The following CDH13 variants were observed in gnomAD, a reference collection of about 807,000 sequenced individuals.
CDH13 encodes cadherin-13.
In CDH13, 24 loss-of-function variants were observed where a neutral mutation model predicts 63.8. The observed-to-expected ratio is 0.38, with a 90% CI of 0.27 to 0.53. CDH13 has a LOEUF of 0.53. Ranked by LOEUF, CDH13 falls within the 20% of genes least tolerant of loss-of-function variation. CDH13 has a pLI of 0.85. For missense variants in CDH13, 1,049 were observed against 903.1 expected (o/e 1.16, Z -2.07); for synonymous variants, 503 against 355.3 (o/e 1.42, Z -4.67).
intron 1 of CDH13, among the ~76,000 whole-genome samples, chr16:82,650,017 C>G (rs776412718): frequency 1.3e-5 from 2 of 152,150 alleles, no homozygotes; most frequent in Non-Finnish European, 2.9e-5. Context: ...ATTTCCTGGG[C>G]AACAACCCAA....
chr16:83,257,581 G>T (rs1906450688), intron 5 of CDH13, among the ~76,000 whole-genome samples: 1 of 152,184 alleles, frequency 6.6e-6, no homozygotes, highest in Non-Finnish European at 1.5e-5. Flanking sequence ...CTGCACACCA[G>T]CAGCACTAAT....
At chr16:83,145,955 A>C (rs1431403766) in intron 4 of CDH13, among the ~76,000 whole-genome samples, 1 of 152,110 alleles carries the variant, frequency 6.6e-6, no homozygotes, top group East Asian at 1.9e-4. Flanking sequence ...GAACTTTGGG[A>C]GGCCGAGGCG....
intron 6 of CDH13, among the ~76,000 whole-genome samples, chr16:83,400,631 A>G (rs1182626636): frequency 6.6e-6 from 1 of 152,180 alleles, no homozygotes; most frequent in Middle Eastern, 3.2e-3. Context: ...ACCATCCCAT[A>G]TCTGTGTTCT....
At chr16:83,104,281 A>G (rs1305791820) in intron 3 of CDH13, among the ~76,000 whole-genome samples, 1 of 152,214 alleles carries the variant, frequency 6.6e-6, no homozygotes, top group African/African-American at 2.4e-5. Flanking sequence ...CAAAGAACAC[A>G]GTAATCAATG....
In CDH13 at chr16:82,686,307, G is replaced by A. The variant is rs568858761; in HGVS notation, c.45+59170G>A. Among the ~76,000 whole-genome samples the A allele has an allele frequency of 1.2e-4, 18 of 152,262 alleles. No individual in the cohort carries two copies. In the South Asian group the frequency reaches 1.5e-3, roughly 12 times the overall value. On this transcript the variant is annotated intron_variant, in intron 1 of 13. Transcript: ENST00000567109. ...TTAGCAGTGGTAGATCTTTGAATTC[G>A]TCTCCTCCTGGTTCTGCGGAGAGCC...
intron 7 of CDH13, among the ~76,000 whole-genome samples, chr16:83,575,714 G>A (rs1256027703): frequency 6.6e-6 from 1 of 152,202 alleles, no homozygotes; most frequent in Non-Finnish European, 1.5e-5. Context: ...TGGTCTCTGA[G>A]AGACGGTCAA....
intron 6 of CDH13, among the ~76,000 whole-genome samples, chr16:83,454,653 T>A (rs747736726): frequency 1.3e-5 from 2 of 152,178 alleles, no homozygotes; most frequent in African/African-American, 4.8e-5. Flanking sequence ...TTTTCTGCCA[T>A]TTTTAGCTGT....
chr16:82,794,941 GTCTACGAAAACCATTATGCTGCA>G (rs1459254682), intron 1 of CDH13, among the ~76,000 whole-genome samples: 1 of 152,146 alleles, frequency 6.6e-6, no homozygotes, highest in Non-Finnish European at 1.5e-5. Context: ...CTGTGGGTTG[GTCTACGAAAACCATTATGCTGCA>G]TCCTCCCAGT....
intron 7 of CDH13, among the ~76,000 whole-genome samples, chr16:83,530,484 G>T (rs945658203): frequency 1.3e-5 from 2 of 152,178 alleles, no homozygotes; most frequent in African/African-American, 4.8e-5. Context: ...AGAGCACTGT[G>T]GCTCTGTCCT....
chr16:83,106,306 AAGGC>A (rs1332365274), intron 3 of CDH13, among the ~76,000 whole-genome samples: 1 of 152,116 alleles, frequency 6.6e-6, no homozygotes, highest in Admixed American at 6.5e-5. Flanking sequence ...TTGGGAGGCC[AAGGC>A]AAGTGGATCA....
chr16:83,018,733 T>G (rs1915053168), intron 2 of CDH13, among the ~76,000 whole-genome samples: 1 of 152,240 alleles, frequency 6.6e-6, no homozygotes. Context: ...ATTACACACC[T>G]AGGTGATCTC....
intron 10 of CDH13, among the ~76,000 whole-genome samples, chr16:83,743,754 TTTTTTTTTTTTTTC>T (rs1482444239): frequency 5.6e-5 from 7 of 124,010 alleles, no homozygotes; most frequent in Admixed American, 8.0e-5. Flanking sequence ...TTTTCTTTTT[TTTTTTTTTTTTTTC>T]TTTGCTTTTT....
At chr16:83,365,701 C>G (rs553408773) in intron 6 of CDH13, among the ~76,000 whole-genome samples, 2 of 152,074 alleles carry the variant, frequency 1.3e-5, no homozygotes, top group Non-Finnish European at 2.9e-5. Flanking sequence ...AAGAGGAAGG[C>G]AAGAGAGTGA....
intron 2 of CDH13, chr16:82,884,243 C>T (rs1032564432): frequency 4.4e-6 from 2 of 454,926 alleles, no homozygotes; most frequent in Non-Finnish European, 8.8e-6. Context: ...AGCCTGGGCT[C>T]CCATGAGAAG....
chr16:83,067,689 A>G lies in CDH13; in HGVS notation c.366+35471A>G, dbSNP rs537320636. On this transcript the variant is annotated intron_variant, in intron 3 of 13. Coordinates refer to ENST00000567109, the MANE Select transcript of CDH13 (RefSeq NM_001257.5). Reference sequence around the variant, plus strand: ...GTCAAGGGAAACATGACTGAATAACAAAAGTAGGTTAGGAAAATACTGAAA... The same window carrying G: ...GTCAAGGGAAACATGACTGAATAACGAAAGTAGGTTAGGAAAATACTGAAA... Among the ~76,000 whole-genome samples the G allele has an allele frequency of 2.6e-5, 4 of 152,362 alleles. No individual in the cohort carries two copies. In the South Asian group the frequency reaches 6.2e-4, roughly 24 times the overall value.
intron 5 of CDH13, among the ~76,000 whole-genome samples, chr16:83,309,291 C>A (rs1035677714): frequency 6.6e-6 from 1 of 152,046 alleles, no homozygotes; most frequent in Non-Finnish European, 1.5e-5. Context: ...AGATCTATAT[C>A]GAAGTCAGAT....
intron 2 of CDH13, 76 bp from the exon 3 acceptor site, chr16:83,031,934 T>G (rs1916392347): frequency 8.6e-7 from 1 of 1,156,724 alleles, no homozygotes; most frequent in Admixed American, 2.0e-5. Context: ...AATTCACACT[T>G]AATAGGTCAG....
intron 2 of CDH13, among the ~76,000 whole-genome samples, chr16:82,900,223 C>G (rs2041416526): frequency 6.6e-6 from 1 of 152,152 alleles, no homozygotes; most frequent in East Asian, 1.9e-4. Flanking sequence ...GACAACAAGC[C>G]CATGCCTGTC....
At position 83,388,256 on chromosome 16, in the gene CDH13, G is replaced by A. The variant is rs118036446; in HGVS notation, c.781+43250G>A. Among the ~76,000 whole-genome samples the A allele has an allele frequency of 2.6e-3, 396 of 150,858 alleles. 7 individuals are homozygous for A. The East Asian group carries it at 0.05, about 19-fold the overall frequency. On this transcript the variant is annotated intron_variant, in intron 6 of 13. Transcript: ENST00000567109. ...AAGTCCAGGAGTTGGAGACCAGCCT[G>A]GGCAACATGGAATAACCCTCTCTCT...
Sources: allele counts gnomAD v4.1 joint callset (sites outside exome capture counted in the v4.1 genomes callset), GRCh38; gene constraint gnomAD v4.1.1; transcripts MANE v1.5; gene names NCBI Gene and HGNC (gene_info 2026-07-23, HGNC 2026-07-21).